EML6: variants seen among roughly 807,000 people sequenced by gnomAD.
The protein encoded by EML6 is echinoderm microtubule-associated protein-like 6.
Under a neutral mutation model 240.1 loss-of-function variants are expected in EML6, and 154 were observed. That is an observed-to-expected ratio of 0.64 (90% CI 0.56 to 0.73). EML6 has a LOEUF of 0.73. Ranked by LOEUF, EML6 falls within the 30% of genes least tolerant of loss-of-function variation. EML6 has a pLI of 0.00. For missense variants in EML6, 2,964 were observed against 2,474.6 expected (o/e 1.20, Z -4.20); for synonymous variants, 1,148 against 899.0 (o/e 1.28, Z -4.95).
At chr2:54,955,587 C>G (rs1367907430) in intron 32 of EML6, among the ~76,000 whole-genome samples, 1 of 152,242 alleles carries the variant, frequency 6.6e-6, no homozygotes, top group Non-Finnish European at 1.5e-5. Context: ...ACTGGCCCCA[C>G]TGCACGGCCT....
chr2:54,818,627 A>C (rs1286021733), intron 4 of EML6, among the ~76,000 whole-genome samples: 2 of 152,254 alleles, frequency 1.3e-5, no homozygotes, highest in Non-Finnish European at 2.9e-5. Flanking sequence ...TTAAAACTTT[A>C]GATAAATTGA....
chr2:54,901,256 A>G (rs1231064518), intron 22 of EML6, among the ~76,000 whole-genome samples: 1 of 152,216 alleles, frequency 6.6e-6, no homozygotes, highest in Non-Finnish European at 1.5e-5. Context: ...CTGTGAGAAC[A>G]CACCTGTGGC....
intron 28 of EML6, among the ~76,000 whole-genome samples, chr2:54,939,617 A>C (rs755993449): frequency 8.5e-5 from 13 of 152,288 alleles, no homozygotes; most frequent in South Asian, 4.1e-4. Flanking sequence ...CAGGCATGTC[A>C]TAATCCTGAA....
chr2:54,926,573 C>T (rs1008463391), intron 26 of EML6, among the ~76,000 whole-genome samples: 1 of 152,240 alleles, frequency 6.6e-6, no homozygotes, highest in Non-Finnish European at 1.5e-5. Flanking sequence ...CCTCCGTAGG[C>T]CCTGCCGGGA....
chr2:54,942,922 A>G lies in EML6; in HGVS notation c.4005-5960A>G, dbSNP rs560981829. On this transcript the variant is annotated intron_variant, in intron 28 of 41. Coordinates refer to ENST00000356458, the MANE Select transcript of EML6 (RefSeq NM_001039753.4). ...CACTTTTTGTGCCTACCCAAATGCC[A>G]TTTCCCAGTCCTGTTGGCCCTTCTC... Among the ~76,000 whole-genome samples, 6 of 151,980 alleles carry G rather than the reference A, an allele frequency of 3.9e-5. No individual in the cohort carries two copies. The South Asian group carries it at 1.0e-3, about 26-fold the overall frequency.
rs1682855779 is a variant in EML6, at chr2:54,725,214, G to A, written c.153G>A (p.Glu51=). 2.0e-6 allele frequency: 3 copies of A among 1,499,068 alleles called. No individual in the cohort carries two copies. The highest frequency in any genetic ancestry group is 5.7e-5 in the East Asian group (2 of 35,118). The allele number at this position is 1,499,068 out of a possible 1,614,324, so 92.9% of individuals were successfully genotyped here. A position where few individuals can be genotyped will look rare whatever the true frequency, so the allele number is the denominator to read the frequency against. ...AGVGVVYNTR[E]HSQKFFLGHN... ...TCGGGGTGGTTTACAACACCCGCGA[G>A]CACAGCCAAAAATTCTTCCTGGGAC... The change falls in exon 2 of 42, where the codon GAG becomes GAA. Residue 51 remains glutamate, a synonymous_variant. Transcript: ENST00000356458. This position sits in a 1 kb window ranked among gnomAD's most constrained non-coding sequence, Gnocchi z 4.3.
intron 16 of EML6, 69 bp from the exon 17 acceptor site, chr2:54,879,478 C>G (rs1206079429): frequency 8.4e-5 from 84 of 994,794 alleles, no homozygotes; most frequent in Non-Finnish European, 2.2e-5. Context: ...ACTTATTCCT[C>G]TTTACAGTGT....
chr2:54,855,967 A>G (rs947416619), intron 11 of EML6, among the ~76,000 whole-genome samples: 13 of 152,218 alleles, frequency 8.5e-5, no homozygotes, highest in African/African-American at 2.9e-4. Flanking sequence ...GCTGATGACC[A>G]TGAGCAGTTG....
Position 54,731,388 on chromosome 2 carries a change from C to T in EML6, c.197+6130C>T, listed in dbSNP as rs1017624511. ...TGAGTCCAGGCTCACTCCTGTCATC[C>T]CAGCACTTTGGGAGGCTGAGGTGGG... is the stretch of plus-strand genomic sequence containing the variant. On this transcript the variant is annotated intron_variant, in intron 2 of 41. Transcript: ENST00000356458. 2.0e-5 allele frequency among the ~76,000 whole-genome samples: 3 copies of T among 152,102 alleles called. No homozygotes were observed. In the South Asian group the frequency reaches 6.2e-4, roughly 32 times the overall value.
At chr2:54,941,518 A>G (rs976801269) in intron 28 of EML6, among the ~76,000 whole-genome samples, 1 of 152,192 alleles carries the variant, frequency 6.6e-6, no homozygotes, top group Non-Finnish European at 1.5e-5. Context: ...TAGAGTTGCT[A>G]AGAACTGACC....
chr2:54,871,800 A>T (rs936576373), intron 16 of EML6, among the ~76,000 whole-genome samples, 195 bp downstream of exon 16: 9 of 152,228 alleles, frequency 5.9e-5, no homozygotes, highest in African/African-American at 2.2e-4. Context: ...ACATAGGAAT[A>T]CCTCACCAAA....
intron 25 of EML6, among the ~76,000 whole-genome samples, chr2:54,916,050 T>C (rs1201665884): frequency 1.3e-5 from 2 of 152,236 alleles, no homozygotes; most frequent in African/African-American, 4.8e-5. Flanking sequence ...CAAAACAGTT[T>C]TAAAGGATAA....
intron 2 of EML6, among the ~76,000 whole-genome samples, chr2:54,809,180 A>G (rs1670659004): frequency 6.6e-6 from 1 of 152,220 alleles, no homozygotes; most frequent in South Asian, 2.1e-4. Context: ...CGTAGCTAAA[A>G]TAACTTGCAA....
At chr2:54,839,938 C>G (rs1451281687) in intron 7 of EML6, among the ~76,000 whole-genome samples, 1 of 152,084 alleles carries the variant, frequency 6.6e-6, no homozygotes, top group East Asian at 1.9e-4. Flanking sequence ...TATTTAATTC[C>G]AGGTTGTGGG....
intron 2 of EML6, among the ~76,000 whole-genome samples, chr2:54,743,818 A>G (rs1683774269): frequency 6.6e-6 from 1 of 152,214 alleles, no homozygotes; most frequent in South Asian, 2.1e-4. Context: ...CATTTACATT[A>G]AATTTATATG....
chr2:54,853,861 G>A lies in EML6; in HGVS notation c.1657+6G>A, dbSNP rs1222287509. ...ATTTCCTTGTCTCAAGAGAGGTAAGGCCAAAAGAGATGTTTCATTGCATAA... is the reference window on the plus strand; with the variant it reads ...ATTTCCTTGTCTCAAGAGAGGTAAGACCAAAAGAGATGTTTCATTGCATAA... On this transcript the variant is annotated splice_donor_region_variant and intron_variant, in intron 11 of 41. Transcript: ENST00000356458. 7 of 1,539,348 alleles carry A rather than the reference G, an allele frequency of 4.5e-6. No individual in the cohort carries two copies. The highest frequency in any genetic ancestry group is 2.0e-5 in the Admixed American group (1 of 50,748).
At chr2:54,723,640 AACCTGTCT>A (rs1363255250), upstream of EML6, 1 of 152,150 alleles carries the variant, frequency 6.6e-6, no homozygotes, top group African/African-American at 2.4e-5. Context: ...CTGGAGGAAG[AACCTGTCT>A]CCCGCGGCGC....
chr2:54,765,714 C>A (rs769506870), intron 2 of EML6, among the ~76,000 whole-genome samples: 12 of 152,174 alleles, frequency 7.9e-5, no homozygotes, highest in Non-Finnish European at 1.6e-4. Flanking sequence ...CCAGTCTCGG[C>A]CTCCCAAAGT....
intron 17 of EML6, among the ~76,000 whole-genome samples, chr2:54,888,138 C>G (rs1437283185): frequency 6.6e-6 from 1 of 152,154 alleles, no homozygotes; most frequent in Admixed American, 6.5e-5. Flanking sequence ...AGGCAGTGCT[C>G]AAATATCTCT....
Sources: allele counts gnomAD v4.1 joint callset (sites outside exome capture counted in the v4.1 genomes callset), GRCh38; gene constraint gnomAD v4.1.1; non-coding constraint Gnocchi (gnomAD v3.1); transcripts MANE v1.5; gene names NCBI Gene and HGNC (gene_info 2026-07-23, HGNC 2026-07-21).